The following CLIC6 variants were observed in gnomAD, a reference collection of about 807,000 sequenced individuals.
CLIC6 encodes chloride intracellular channel protein 6.
Under a neutral mutation model 49.2 loss-of-function variants are expected in CLIC6, and 39 were observed. The ratio of observed to expected loss-of-function variants is 0.79; its 90% CI spans 0.61 to 1.04. The LOEUF (loss-of-function observed/expected upper bound fraction) is 1.04. Among genes scored for constraint, CLIC6 ranks in the 50% least tolerant of loss-of-function variants. The pLI, the probability that CLIC6 is intolerant of heterozygous loss-of-function variation, is 0.00. For synonymous variants in CLIC6, 446 were observed against 433.4 expected, an observed-to-expected ratio of 1.03 and a Z score of -0.36; for missense variants, 988 against 993.1, an observed-to-expected ratio of 0.99 and a Z score of 0.07.
In CLIC6 at chr21:34,708,750, A is replaced by G. The variant is rs763624129; in HGVS notation, c.1661A>G (p.Asp554Gly). The G allele has an allele frequency of 8.1e-6, 13 of 1,614,098 alleles. No homozygotes were observed. The highest frequency in any genetic ancestry group is 3.3e-4 in the Middle Eastern group (2 of 6,084). ...CCCGAATCTAATTCCGCAGGAAATGACGTGTTTGCCAAATTCTCAGCGTTT... is the reference window on the plus strand; with the variant it reads ...CCCGAATCTAATTCCGCAGGAAATGGCGTGTTTGCCAAATTCTCAGCGTTT... ...QHPESNSAGN[D>G]VFAKFSAFIK... The change falls in exon 4 of 6, where the codon GAC (aspartate) becomes GGC (glycine). Residue 554 changes from aspartate to glycine, a missense_variant. Around this residue, in one of 3 missense-constraint regions of CLIC6, gnomAD observed 647 missense variants for 596.9 expected, o/e 1.08. Transcript: ENST00000349499.
chr21:34,673,765 T>G (rs1291970295), intron 1 of CLIC6, among the ~76,000 whole-genome samples: 1 of 152,308 alleles, frequency 6.6e-6, no homozygotes, highest in South Asian at 2.1e-4. Context: ...AAAAACACCC[T>G]TTAGACTCAT....
chr21:34,670,053 C>T lies in CLIC6; in HGVS notation c.665C>T (p.Ala222Val). The part of the protein sequence containing the change: ...AEGPAGDSVD[A>V]EGRVGDSVDA... ...GGCCCGGCGGGGGACAGCGTAGACG[C>T]GGAGGGCCGGGTGGGGGACAGCGTA... Residue 222 changes from alanine to valine, a missense_variant, in exon 1 of 6, where the codon GCG (alanine) becomes GTG (valine). Coordinates refer to ENST00000349499, the MANE Select transcript of CLIC6 (RefSeq NM_053277.3). 1 of 1,277,652 alleles carries T rather than the reference C, an allele frequency of 7.8e-7. No individual in the cohort carries two copies. Among genetic ancestry groups the T allele is most frequent in the Non-Finnish European group, 9.8e-7 (1 of 1,019,956 alleles). 79.1% of individuals were successfully genotyped at this position (1,277,652 alleles called of 1,614,324 possible).
At chr21:34,676,451 A>C (rs1989672185) in intron 1 of CLIC6, among the ~76,000 whole-genome samples, 1 of 152,266 alleles carries the variant, frequency 6.6e-6, no homozygotes, top group Non-Finnish European at 1.5e-5. Flanking sequence ...TCTAGCACAG[A>C]AGACAGACAT....
rs1989487883 is a variant in CLIC6 at position 34,669,646 on chromosome 21, G to A, written c.258G>A (p.Glu86=). 1 of 1,314,078 alleles carries A rather than the reference G, an allele frequency of 7.6e-7. No individual in the cohort carries two copies. Among genetic ancestry groups the A allele is most frequent in the Non-Finnish European group, 9.7e-7 (1 of 1,035,612 alleles). The allele number at this position is 1,314,078 out of a possible 1,614,324, so 81.4% of individuals were successfully genotyped here. A position where few individuals can be genotyped will look rare whatever the true frequency, so the allele number is the denominator to read the frequency against. The part of the protein sequence containing the change: ...TRGAHGETEA[E]EGAPEGAEVP... ...GGGCGCACGGCGAGACTGAGGCCGA[G>A]GAGGGAGCCCCGGAGGGTGCCGAGG... is the stretch of plus-strand genomic sequence containing the variant. The change falls in exon 1 of 6, where the codon GAG becomes GAA. Residue 86 remains glutamate (E), a synonymous_variant. Coordinates refer to ENST00000349499, the MANE Select transcript of CLIC6 (RefSeq NM_053277.3).
At position 34,711,524 on chromosome 21, in the gene CLIC6, CAAACAAATAAATAAAT is replaced by C. The variant is rs1347623363; in HGVS notation, c.1899+1990_1899+2005del. ...ACAGAGCAAGACTCTGTCAAATAAA[CAAACAAATAAATAAAT>C]AAATAAATAAATAAATAAATAAATA... On this transcript the variant is annotated intron_variant, in intron 5 of 5. Coordinates refer to ENST00000349499, the MANE Select transcript of CLIC6 (RefSeq NM_053277.3). Among the ~76,000 whole-genome samples the C allele has an allele frequency of 2.7e-3, 354 of 130,804 alleles. 2 individuals carry two copies. Among genetic ancestry groups the C allele is most frequent in the African/African-American group, 9.7e-3 (339 of 35,010 alleles). 85.8% of individuals were successfully genotyped at this position (130,804 alleles called of 152,430 possible).
At chr21:34,679,650 G>A (rs1180161686) in intron 1 of CLIC6, among the ~76,000 whole-genome samples, 1 of 152,210 alleles carries the variant, frequency 6.6e-6, no homozygotes, top group East Asian at 1.9e-4. Flanking sequence ...ATACGATGGG[G>A]GTACAGGCAT....
At chr21:34,684,973 G>A (rs184306619) in intron 1 of CLIC6, among the ~76,000 whole-genome samples, 50 of 152,326 alleles carry the variant, frequency 3.3e-4, no homozygotes, top group Non-Finnish European at 2.9e-5. Context: ...GGAGAAGCCA[G>A]GCAGTTGGGT....
At chr21:34,710,551 C>T (rs988556884) in intron 5 of CLIC6, among the ~76,000 whole-genome samples, 9 of 152,286 alleles carry the variant, frequency 5.9e-5, no homozygotes, top group Admixed American at 2.6e-4. Flanking sequence ...TGGCGGCTCA[C>T]GCCTGTAATC....
chr21:34,691,426 A>G (rs934371445), intron 1 of CLIC6, among the ~76,000 whole-genome samples: 3 of 151,750 alleles, frequency 2.0e-5, no homozygotes, highest in Non-Finnish European at 4.4e-5. Context: ...ATTTTTATGC[A>G]CTCCTGGTTG....
chr21:34,692,574 T>C (rs773887325), intron 1 of CLIC6, among the ~76,000 whole-genome samples: 36 of 152,260 alleles, frequency 2.4e-4, no homozygotes, highest in Admixed American at 3.9e-4. Context: ...TTAAGAACCC[T>C]TAAGATATTT....
chr21:34,693,725 G>T (rs114940601), intron 1 of CLIC6, among the ~76,000 whole-genome samples: 63 of 152,278 alleles, frequency 4.1e-4, no homozygotes, highest in African/African-American at 1.5e-3. Flanking sequence ...GAACAAGCAG[G>T]CCTGCCCACA....
chr21:34,703,893 A>C (rs765283335), intron 1 of CLIC6, among the ~76,000 whole-genome samples: 1 of 152,238 alleles, frequency 6.6e-6, no homozygotes, highest in Non-Finnish European at 1.5e-5. Flanking sequence ...GGAGGAACTC[A>C]ACAAAGTTGA....
intron 5 of CLIC6, among the ~76,000 whole-genome samples, chr21:34,712,971 G>A (rs2056066623): frequency 6.6e-6 from 1 of 152,196 alleles, no homozygotes. Context: ...GCGACAAGGT[G>A]CTTGGGAGCA....
chr21:34,669,662 G>A lies in CLIC6; in HGVS notation c.274G>A (p.Gly92Ser). The change falls in exon 1 of 6, where the codon GGT becomes AGT. Residue 92 changes from glycine to serine, a missense_variant. Physicochemically the swap from Gly to Ser is moderately conservative, Grantham distance 56. Around this residue, in one of 3 missense-constraint regions of CLIC6, gnomAD observed 284 missense variants for 278.6 expected, o/e 1.02. Coordinates refer to ENST00000349499, the MANE Select transcript of CLIC6 (RefSeq NM_053277.3). ...TGAGGCCGAGGAGGGAGCCCCGGAG[G>A]GTGCCGAGGTGCCCCAAGGAGGGGA... The part of the protein sequence containing the change: ...ETEAEEGAPE[G>S]AEVPQGGEET... 7.5e-7 allele frequency: 1 copy of A among 1,326,616 alleles called. No individual in the cohort carries two copies. The highest frequency in any genetic ancestry group is 9.6e-7 in the Non-Finnish European group (1 of 1,042,964). 82.2% of individuals were successfully genotyped at this position (1,326,616 alleles called of 1,614,324 possible).
chr21:34,704,705 C>G (rs891564521), intron 1 of CLIC6, among the ~76,000 whole-genome samples: 1 of 152,288 alleles, frequency 6.6e-6, no homozygotes, highest in Non-Finnish European at 1.5e-5. Context: ...AGTTGGCTGA[C>G]TAAGGCAGTT....
At chr21:34,690,772 G>A (rs527808449) in intron 1 of CLIC6, among the ~76,000 whole-genome samples, 1 of 150,214 alleles carries the variant, frequency 6.7e-6, no homozygotes, top group Non-Finnish European at 1.5e-5. Context: ...TTCAGCCTGG[G>A]TCAGGGTTAG....
At chr21:34,707,437 G>GCACACA (rs10657933) in intron 2 of CLIC6, 48 bp downstream of exon 2, 46,944 of 733,514 alleles carry the variant, frequency 0.064, 1,351 homozygotes, top group African/African-American at 0.21. Flanking sequence ...CTAGTTCTCT[G>GCACACA]CACACACACA....
At chr21:34,712,603 T>A (rs1455310171) in intron 5 of CLIC6, among the ~76,000 whole-genome samples, 3 of 151,976 alleles carry the variant, frequency 2.0e-5, no homozygotes, top group African/African-American at 7.3e-5. Flanking sequence ...GGAGGCAGAA[T>A]TGAAGGAGGA....
In CLIC6 at chr21:34,716,862, T is replaced by TCTCTCTCTCTCTCTCTCTCACACACA; in HGVS notation, c.*381_*382insTCTCTCTCTCTCTCTCTCACACACAC. The TCTCTCTCTCTCTCTCTCTCACACACA allele has an allele frequency of 2.3e-5, 3 of 131,634 alleles. No homozygotes were observed. Among genetic ancestry groups the TCTCTCTCTCTCTCTCTCTCACACACA allele is most frequent in the East Asian group, 2.2e-4 (1 of 4,454 alleles). The allele number at this position is 131,634 out of a possible 1,614,324, so 8.2% of individuals were successfully genotyped here. A position where few individuals can be genotyped will look rare whatever the true frequency, so the allele number is the denominator to read the frequency against. ...CTCTCTCTCTCTCTCTCTCTCTCTATCACACACACACACACACACACACAC... is the reference window on the plus strand; with the variant it reads ...CTCTCTCTCTCTCTCTCTCTCTCTATCTCTCTCTCTCTCTCTCTCACACACACACACACACACACACACACACACAC... On this transcript the variant is annotated 3_prime_UTR_variant, in exon 6 of 6. Coordinates refer to ENST00000349499, the MANE Select transcript of CLIC6 (RefSeq NM_053277.3).
Sources: gnomAD v4.1 joint callset for allele counts (sites outside exome capture counted in the v4.1 genomes callset) on GRCh38, gnomAD v4.1.1 for gene constraint, gnomAD v4.1.1 regional missense constraint, MANE v1.5 for transcripts, NCBI Gene and HGNC (gene_info 2026-07-23, HGNC 2026-07-21) for gene names.